The following ECT2 variants were observed in gnomAD, a reference collection of about 807,000 sequenced individuals.
ECT2 encodes the protein epithelial cell transforming 2.
In ECT2, 61 loss-of-function variants were observed where a neutral mutation model predicts 116.9. The ratio of observed to expected loss-of-function variants is 0.52; its 90% CI spans 0.42 to 0.65. The LOEUF is 0.65. ECT2 is among the 30% of genes least tolerant of loss of function. ECT2 has a pLI of 0.00. For synonymous variants in ECT2, 358 were observed against 346.4 expected, an observed-to-expected ratio of 1.03 and a Z score of -0.37; for missense variants, 937 against 1,078.7, an observed-to-expected ratio of 0.87 and a Z score of 1.84.
Position 172,771,020 on chromosome 3 carries a change from A to G in ECT2, c.1428+1877A>G, listed in dbSNP as rs142787353. 9.5e-3 allele frequency among the ~76,000 whole-genome samples: 1,446 copies of G among 152,334 alleles called. 20 individuals carry two copies. Among genetic ancestry groups the G allele is most frequent in the African/African-American group, 0.032 (1,333 of 41,580 alleles). Reference sequence around the variant, plus strand: ...TTGTGCATCAGAAAAAGCTTCATACAGAAGGTAATGATCGAAGTGAACTTT... The same window carrying G: ...TTGTGCATCAGAAAAAGCTTCATACGGAAGGTAATGATCGAAGTGAACTTT... On this transcript the variant is annotated intron_variant, in intron 13 of 24. Transcript: ENST00000392692.
intron 18 of ECT2, among the ~76,000 whole-genome samples, chr3:172,790,610 A>T (rs1283475154): frequency 6.6e-6 from 1 of 152,168 alleles, no homozygotes; most frequent in Non-Finnish European, 1.5e-5. Flanking sequence ...GATTCTTCTG[A>T]TGGATCTGTT....
chr3:172,784,321 C>G (rs1400356968), intron 16 of ECT2, among the ~76,000 whole-genome samples: 1 of 152,046 alleles, frequency 6.6e-6, no homozygotes, highest in African/African-American at 2.4e-5. Context: ...TTTTAGTTCT[C>G]AAAACACCTA....
chr3:172,813,248 A>G (rs1273285601), intron 22 of ECT2, among the ~76,000 whole-genome samples: 3 of 152,258 alleles, frequency 2.0e-5, no homozygotes, highest in African/African-American at 7.2e-5. Context: ...ATAAAATTTG[A>G]TATAAAATAT....
At chr3:172,765,142 C>G (rs1284955900) in intron 12 of ECT2, among the ~76,000 whole-genome samples, 4 of 152,186 alleles carry the variant, frequency 2.6e-5, no homozygotes, top group African/African-American at 7.2e-5. Context: ...TTCCTTGATT[C>G]TCGTTGTCCT....
chr3:172,756,959 T>C, intron 4 of ECT2, 24 bp from the exon 5 acceptor site: 1 of 1,556,248 alleles, frequency 6.4e-7, no homozygotes, highest in South Asian at 1.2e-5. Flanking sequence ...TAATTTTTAT[T>C]TCTGCTAACT....
At position 172,762,819 on chromosome 3, in the gene ECT2, AG is replaced by A; in HGVS notation, c.1005+14del. The A allele has an allele frequency of 1.2e-6, 2 of 1,610,160 alleles. No homozygotes were observed. Among genetic ancestry groups the A allele is most frequent in the Non-Finnish European group, 1.7e-6 (2 of 1,178,456 alleles). ...TGTCAAGCAAGAGGCAAGTAATTCTAGAATGAGGTTGGTTTTTAAAAACACT... is the reference window on the plus strand; with the variant it reads ...TGTCAAGCAAGAGGCAAGTAATTCTAAATGAGGTTGGTTTTTAAAAACACT... On this transcript the variant is annotated intron_variant, in intron 10 of 24. Transcript: ENST00000392692.
At chr3:172,778,075 G>C (rs1263233659) in intron 14 of ECT2, among the ~76,000 whole-genome samples, 1 of 152,194 alleles carries the variant, frequency 6.6e-6, no homozygotes, top group Non-Finnish European at 1.5e-5. Context: ...CCCTGGTTAA[G>C]ATTAATTCTG....
Position 172,764,269 on chromosome 3 carries a change from T to C in ECT2, c.1069-9T>C. ...GAAGTAAATTGAGCTTGTGTGCTTTTGATTACAGGCAAATACTCCTGAGCT... is the reference window on the plus strand; with the variant it reads ...GAAGTAAATTGAGCTTGTGTGCTTTCGATTACAGGCAAATACTCCTGAGCT... On this transcript the variant is annotated splice_polypyrimidine_tract_variant and intron_variant, in intron 11 of 24. Transcript: ENST00000392692. 1 of 1,612,434 alleles carries C rather than the reference T, an allele frequency of 6.2e-7. No individual in the cohort carries two copies. Among genetic ancestry groups the C allele is most frequent in the Non-Finnish European group, 8.5e-7 (1 of 1,178,594 alleles).
Position 172,813,910 on chromosome 3 carries a change from A to AT in ECT2, c.2401-1690dup, listed in dbSNP as rs898904465. On this transcript the variant is annotated intron_variant, in intron 22 of 24. Coordinates refer to ENST00000392692, the MANE Select transcript of ECT2 (RefSeq NM_001258315.2). The stretch of plus-strand genomic sequence containing the variant: ...ATATTCCAGTTTTGTTATGAAGAAC[A>AT]TTTTATACGTGTAGAAATATATCTC... Among the ~76,000 whole-genome samples, 6 of 150,390 alleles carry AT rather than the reference A, an allele frequency of 4.0e-5. No individual in the cohort carries two copies. In the East Asian group the frequency reaches 1.2e-3, roughly 29 times the overall value.
chr3:172,799,001 G>A (rs1023093944), intron 18 of ECT2, among the ~76,000 whole-genome samples: 8 of 152,234 alleles, frequency 5.3e-5, no homozygotes, highest in African/African-American at 1.9e-4. Flanking sequence ...GTCTGCCTTG[G>A]TTTGGTTTCC....
At chr3:172,809,597 A>G (rs375921791) in intron 22 of ECT2, among the ~76,000 whole-genome samples, 4 of 137,710 alleles carry the variant, frequency 2.9e-5, no homozygotes, top group Admixed American at 2.2e-4. Flanking sequence ...ACACACACAC[A>G]CGCACACACA....
chr3:172,813,292 A>C (rs1170969092), intron 22 of ECT2, among the ~76,000 whole-genome samples: 1 of 152,074 alleles, frequency 6.6e-6, no homozygotes, highest in African/African-American at 2.4e-5. Flanking sequence ...TACCCAACTA[A>C]TAGTTTAAAG....
chr3:172,819,409 AAGACTTCTC>A (rs1730349546), intron 24 of ECT2, among the ~76,000 whole-genome samples: 2 of 152,090 alleles, frequency 1.3e-5, no homozygotes, highest in African/African-American at 4.8e-5. Flanking sequence ...TAAAATTTTT[AAGACTTCTC>A]AGGGATGTAA....
chr3:172,770,822 G>T (rs1430810685), intron 13 of ECT2, among the ~76,000 whole-genome samples: 1 of 151,814 alleles, frequency 6.6e-6, no homozygotes, highest in Non-Finnish European at 1.5e-5. Context: ...AAGTGTTAAA[G>T]ATTTTTTTTT....
intron 24 of ECT2, 104 bp from the exon 25 acceptor site, chr3:172,820,044 A>C: frequency 2.8e-6 from 2 of 706,214 alleles, no homozygotes; most frequent in Non-Finnish European, 2.2e-6. Context: ...TAATTGTTAC[A>C]GTAATTTGTA....
intron 2 of ECT2, 57 bp from the exon 3 acceptor site, chr3:172,755,238 C>A: frequency 7.4e-7 from 1 of 1,355,898 alleles, no homozygotes; most frequent in Non-Finnish European, 1.0e-6. Flanking sequence ...GCGATAAGGA[C>A]CTACTGATTG....
downstream of ECT2, among the ~76,000 whole-genome samples, chr3:172,822,628 T>A (rs1201680844): frequency 1.3e-5 from 2 of 151,868 alleles, no homozygotes; most frequent in Admixed American, 1.3e-4. Context: ...GTAAATAGAA[T>A]GTGTACTCCA....
chr3:172,826,767 G>A, the ECT2 span, among the ~76,000 whole-genome samples: 1 of 152,228 alleles, frequency 6.6e-6, no homozygotes, highest in African/African-American at 2.4e-5. Flanking sequence ...CAACATTGAG[G>A]TAAGACCCTC....
intron 21 of ECT2, among the ~76,000 whole-genome samples, chr3:172,806,409 G>T (rs975496759): frequency 2.6e-5 from 4 of 152,096 alleles, no homozygotes; most frequent in Non-Finnish European, 5.9e-5. Flanking sequence ...TACAGAGCAG[G>T]TTCTCTGAAG....
Sources: allele counts gnomAD v4.1 joint callset (sites outside exome capture counted in the v4.1 genomes callset), GRCh38; gene constraint gnomAD v4.1.1; transcripts MANE v1.5; gene names NCBI Gene and HGNC (gene_info 2026-07-23, HGNC 2026-07-21).